The following GRXCR2 variants were observed in gnomAD, a reference collection of about 807,000 sequenced individuals.
GRXCR2 encodes glutaredoxin domain-containing cysteine-rich protein 2.
In GRXCR2, 23 loss-of-function variants were observed where a neutral mutation model predicts 24.8. The ratio of observed to expected loss-of-function variants is 0.93; its 90% CI spans 0.67 to 1.32. GRXCR2 has a LOEUF of 1.32. GRXCR2 is among the 40% of genes most tolerant of loss of function. The pLI, the probability that GRXCR2 is intolerant of heterozygous loss-of-function variation, is 0.00. For synonymous variants in GRXCR2, 130 were observed against 116.1 expected (o/e 1.12, Z -0.77); for missense variants, 315 against 303.4 (o/e 1.04, Z -0.28).
intron 2 of GRXCR2, among the ~76,000 whole-genome samples, chr5:145,904,732 T>C (rs1315132375): frequency 1.3e-5 from 2 of 152,176 alleles, no homozygotes; most frequent in African/African-American, 2.4e-5. Context: ...TAAAACCTAA[T>C]GACTTTAAAT....
intron 2 of GRXCR2, among the ~76,000 whole-genome samples, chr5:145,917,062 C>CT (rs34794205): frequency 0.29 from 41,273 of 142,314 alleles, 6,039 homozygotes; most frequent in African/African-American, 0.34. Context: ...TCCTAAGCAT[C>CT]TTTTTTTTTT....
At chr5:145,873,262 G>T (rs1034829127), upstream of GRXCR2, among the ~76,000 whole-genome samples, 15 of 152,160 alleles carry the variant, frequency 9.9e-5, no homozygotes, top group Non-Finnish European at 1.6e-4. Context: ...CTTAACCTGA[G>T]GATGAAGAAG....
rs60671608 is a variant in GRXCR2, at chr5:145,859,406, C to A, written c.*327G>T. On this transcript the variant is annotated 3_prime_UTR_variant, in exon 3 of 3. Coordinates refer to ENST00000377976, the MANE Select transcript of GRXCR2 (RefSeq NM_001080516.2). ...TTGCAAAATAACTCCCAACCTGATG[C>A]CTGAAGTGTACATGTATTTGCTCAC... 2,373 of 291,750 alleles carry A rather than the reference C, an allele frequency of 8.1e-3. 63 individuals carry two copies. The highest frequency in any genetic ancestry group is 0.048 in the African/African-American group (2,191 of 45,620). 18.1% of individuals were successfully genotyped at this position (291,750 alleles called of 1,614,324 possible). A position where few individuals can be genotyped will look rare whatever the true frequency, so the allele number is the denominator to read the frequency against.
At chr5:145,865,922 G>C (rs1447476017) in intron 2 of GRXCR2, among the ~76,000 whole-genome samples, 2 of 152,060 alleles carry the variant, frequency 1.3e-5, no homozygotes, top group African/African-American at 4.8e-5. Context: ...TGGAACACTT[G>C]AAGACAGGAG....
At chr5:145,892,396 A>T (rs1013567110) in intron 2 of GRXCR2, among the ~76,000 whole-genome samples, 6 of 152,180 alleles carry the variant, frequency 3.9e-5, no homozygotes, top group African/African-American at 1.4e-4. Context: ...AAAAAATTAG[A>T]TGAATGGCTA....
intron 1 of GRXCR2, among the ~76,000 whole-genome samples, chr5:145,870,554 A>G (rs920240996): frequency 6.6e-6 from 1 of 152,114 alleles, no homozygotes; most frequent in Non-Finnish European, 1.5e-5. Context: ...TTGTACATAT[A>G]TCTGTTTGAG....
intron 2 of GRXCR2, among the ~76,000 whole-genome samples, chr5:145,888,368 T>C (rs1025067022): frequency 1.3e-5 from 2 of 152,200 alleles, no homozygotes; most frequent in Non-Finnish European, 1.5e-5. Flanking sequence ...CCCAAGGTGC[T>C]CACGGTGGAG....
At chr5:145,887,634 T>C (rs1265704469) in intron 2 of GRXCR2, among the ~76,000 whole-genome samples, 1 of 152,218 alleles carries the variant, frequency 6.6e-6, no homozygotes, top group Admixed American at 6.5e-5. Context: ...TATCTGTGCC[T>C]AGAACATAGC....
chr5:145,929,034 G>A (rs1430447202), intron 2 of GRXCR2, among the ~76,000 whole-genome samples: 2 of 151,272 alleles, frequency 1.3e-5, no homozygotes, highest in African/African-American at 4.9e-5. Context: ...TAACATTTTG[G>A]CATGCATTCT....
chr5:145,919,250 C>G (rs928598110), intron 2 of GRXCR2, among the ~76,000 whole-genome samples: 3 of 152,172 alleles, frequency 2.0e-5, no homozygotes, highest in Admixed American at 1.3e-4. Flanking sequence ...CTGGATAATT[C>G]TGGAAAAGTG....
At chr5:145,864,772 C>G (rs1027361875) in intron 2 of GRXCR2, among the ~76,000 whole-genome samples, 12 of 152,266 alleles carry the variant, frequency 7.9e-5, no homozygotes, top group African/African-American at 2.9e-4. Flanking sequence ...TACTCAGTCT[C>G]AAGTACTATC....
chr5:145,864,193 G>A (rs1756389087), intron 2 of GRXCR2, among the ~76,000 whole-genome samples: 1 of 152,126 alleles, frequency 6.6e-6, no homozygotes, highest in African/African-American at 2.4e-5. Context: ...AGGCAGGGTG[G>A]TGGGAGTCTG....
Position 145,929,187 on chromosome 5 carries a change from T to A in GRXCR2, c.-70+6514A>T, listed in dbSNP as rs995685853. 3.0e-5 allele frequency among the ~76,000 whole-genome samples: 3 copies of A among 100,044 alleles called. No homozygotes were observed. The South Asian group carries it at 1.6e-3, about 52-fold the overall frequency. 65.6% of individuals were successfully genotyped at this position (100,044 alleles called of 152,430 possible). A position where few individuals can be genotyped will look rare whatever the true frequency, so the allele number is the denominator to read the frequency against. ...CTCCTTATCATTTTTAATAGTTGTA[T>A]AATATTCCCCCCTATATATATATAT... On this transcript the variant is annotated intron_variant, in intron 2 of 3. Transcript: ENST00000639411.
In GRXCR2 at chr5:145,910,837, A is replaced by AGTGTGTGTGT. The variant is rs59096502; in HGVS notation, c.-70+24854_-70+24863dup. On this transcript the variant is annotated intron_variant, in intron 2 of 3. Transcript: ENST00000639411. ...GTAGATAAGAAGGGGAACTATGTGA[A>AGTGTGTGTGT]GTGTGTGTGTGTGTGTGTGTGTACC... Among the ~76,000 whole-genome samples, 244 of 150,308 alleles carry AGTGTGTGTGT rather than the reference A, an allele frequency of 1.6e-3. 1 individual carries two copies. Among genetic ancestry groups the AGTGTGTGTGT allele is most frequent in the African/African-American group, 4.3e-3 (176 of 41,020 alleles).
chr5:145,870,463 T>C (rs1276284949), intron 1 of GRXCR2, among the ~76,000 whole-genome samples: 1 of 152,230 alleles, frequency 6.6e-6, no homozygotes, highest in Non-Finnish European at 1.5e-5. Flanking sequence ...TACCGCATCT[T>C]GTTTATCCAT....
In GRXCR2 at chr5:145,881,557, C is replaced by T. The variant is rs182805082; in HGVS notation, c.-69-14829G>A. ...CAAACAAATGGAAGAACATCCCATG[C>T]TCATGGATAGGAAGAATCAATATTG... On this transcript the variant is annotated intron_variant, in intron 2 of 3. Coordinates refer to the GRXCR2 transcript ENST00000639411. 4.3e-3 allele frequency among the ~76,000 whole-genome samples: 659 copies of T among 152,318 alleles called. 6 individuals carry two copies. The highest frequency in any genetic ancestry group is 0.015 in the African/African-American group (617 of 41,560).
chr5:145,867,960 T>C (rs1359021767), intron 1 of GRXCR2, among the ~76,000 whole-genome samples: 2 of 152,068 alleles, frequency 1.3e-5, no homozygotes, highest in Non-Finnish European at 2.9e-5. Flanking sequence ...AACCTAGTGA[T>C]GTAAGAGTTA....
At chr5:145,901,291 TC>T in intron 2 of GRXCR2, among the ~76,000 whole-genome samples, 1 of 152,022 alleles carries the variant, frequency 6.6e-6, no homozygotes, top group African/African-American at 2.4e-5. Flanking sequence ...ACTCACTGAA[TC>T]TAAAAAAGTT....
intron 2 of GRXCR2, among the ~76,000 whole-genome samples, chr5:145,921,856 C>A (rs1757325967): frequency 6.6e-6 from 1 of 152,038 alleles, no homozygotes; most frequent in African/African-American, 2.4e-5. Flanking sequence ...AGTTTCCCAG[C>A]CATCATTTTG....
Sources: gnomAD v4.1 joint callset for allele counts (sites outside exome capture counted in the v4.1 genomes callset) on GRCh38, gnomAD v4.1.1 for gene constraint, MANE v1.5 for transcripts, NCBI Gene and HGNC (gene_info 2026-07-23, HGNC 2026-07-21) for gene names.